Variants in PLCE1 observed in about 807,000 individuals in gnomAD.
PLCE1 encodes the protein 1-phosphatidylinositol 4,5-bisphosphate phosphodiesterase epsilon-1.
PLCE1 carries 119 observed loss-of-function variants against 242.8 expected under a neutral mutation model. That is an observed-to-expected ratio of 0.49 (90% CI 0.42 to 0.57). PLCE1 has a LOEUF of 0.57. Among genes scored for constraint, PLCE1 ranks in the 20% least tolerant of loss-of-function variants. PLCE1 has a pLI of 0.00. For synonymous variants in PLCE1, 945 were observed against 1,017.4 expected (o/e 0.93, Z 1.35); for missense variants, 2,441 against 2,788.8 (o/e 0.88, Z 2.81).
intron 2 of PLCE1, among the ~76,000 whole-genome samples, chr10:94,062,526 C>A (rs1331286961): frequency 6.6e-6 from 1 of 150,926 alleles, no homozygotes; most frequent in Non-Finnish European, 1.5e-5. Flanking sequence ...TAATTCACAC[C>A]ATGTCTGGTA....
intron 2 of PLCE1, among the ~76,000 whole-genome samples, chr10:94,086,900 C>T (rs2044847112): frequency 1.3e-5 from 2 of 152,116 alleles, no homozygotes; most frequent in African/African-American, 4.8e-5. Context: ...CTTACTGGGG[C>T]TATTATAAGG....
intron 2 of PLCE1, among the ~76,000 whole-genome samples, chr10:94,111,366 CAAA>C (rs1183819274): frequency 1.3e-5 from 2 of 152,112 alleles, no homozygotes; most frequent in Non-Finnish European, 2.9e-5. Context: ...GTTTTGGTCA[CAAA>C]AGGAGGTGGA....
intron 7 of PLCE1, among the ~76,000 whole-genome samples, chr10:94,243,932 T>C (rs1281363489): frequency 6.6e-6 from 1 of 152,218 alleles, no homozygotes; most frequent in African/African-American, 2.4e-5. Flanking sequence ...TGTTATTCCA[T>C]GTAGTTAGCT....
chr10:94,022,124 T>C (rs981848184), intron 1 of PLCE1, among the ~76,000 whole-genome samples: 2 of 151,992 alleles, frequency 1.3e-5, no homozygotes, highest in Non-Finnish European at 2.9e-5. Flanking sequence ...GAAGATGAGA[T>C]GATTGTCTAT....
At chr10:94,153,599 C>A (rs1399923226) in intron 3 of PLCE1, among the ~76,000 whole-genome samples, 1 of 152,112 alleles carries the variant, frequency 6.6e-6, no homozygotes, top group East Asian at 1.9e-4. Flanking sequence ...AGAAGTAAGA[C>A]TATTTCTATT....
chr10:94,130,285 A>G (rs562358757), intron 2 of PLCE1, among the ~76,000 whole-genome samples: 1 of 152,372 alleles, frequency 6.6e-6, no homozygotes, highest in East Asian at 1.9e-4. Flanking sequence ...GAGCAAGGGC[A>G]TAACTCCAAT....
At chr10:94,082,203 C>T (rs1319924503) in intron 2 of PLCE1, 6 of 152,026 alleles carry the variant, frequency 3.9e-5, no homozygotes, top group Admixed American at 6.6e-5. Flanking sequence ...TTACAAAGAT[C>T]GACCTAAAAC....
At chr10:94,255,878 T>TCACACACACACACA (rs1206355849) in intron 11 of PLCE1, among the ~76,000 whole-genome samples, 1 of 66,748 alleles carries the variant, frequency 1.5e-5, no homozygotes, top group Admixed American at 2.0e-4. Context: ...TTACTTTATC[T>TCACACACACACACA]CACACACACA....
chr10:94,216,451 G>T (rs2049530393), intron 4 of PLCE1, among the ~76,000 whole-genome samples: 1 of 152,180 alleles, frequency 6.6e-6, no homozygotes, highest in Non-Finnish European at 1.5e-5. Flanking sequence ...GGAATGATTT[G>T]CTGAACAAGT....
At chr10:94,290,700 T>G in intron 22 of PLCE1, among the ~76,000 whole-genome samples, 1 of 149,390 alleles carries the variant, frequency 6.7e-6, no homozygotes, top group Admixed American at 6.7e-5. Context: ...TAAAAAAAAG[T>G]ATATATATAT....
chr10:94,108,550 A>G (rs116148729), intron 2 of PLCE1: 1,806 of 152,378 alleles, frequency 0.012, 32 homozygotes, highest in African/African-American at 0.042. Flanking sequence ...GATAATGCAA[A>G]CAAAACACTT....
rs148193881 is a variant in PLCE1 at position 94,004,789 on chromosome 10, G to A, written c.-365+10531G>A. Among the ~76,000 whole-genome samples, 226 of 152,284 alleles carry A rather than the reference G, an allele frequency of 1.5e-3. 1 individual carries two copies. The highest frequency in any genetic ancestry group is 4.7e-3 in the African/African-American group (197 of 41,548). The stretch of plus-strand genomic sequence containing the variant: ...TATGCTGGCTGGTGGGGACAATGGT[G>A]AGCAAGGTCCCCACAGCAACTGCCC... On this transcript the variant is annotated intron_variant, in intron 1 of 32. Transcript: ENST00000371380.
At chr10:93,996,220 A>G (rs1055623336) in intron 1 of PLCE1, among the ~76,000 whole-genome samples, 1 of 152,194 alleles carries the variant, frequency 6.6e-6, no homozygotes, top group African/African-American at 2.4e-5. Context: ...TCTCTGCCGG[A>G]ACTACTTCTG....
intron 2 of PLCE1, among the ~76,000 whole-genome samples, chr10:94,131,489 A>G (rs978370853): frequency 1.3e-5 from 2 of 152,204 alleles, no homozygotes; most frequent in Non-Finnish European, 2.9e-5. Context: ...CTAACAGTGC[A>G]ATCTTCTTGA....
At chr10:94,125,062 A>C in intron 2 of PLCE1, among the ~76,000 whole-genome samples, 1 of 152,228 alleles carries the variant, frequency 6.6e-6, no homozygotes, top group Non-Finnish European at 1.5e-5. Context: ...ATTCTAGCCA[A>C]GTTTTTGGTG....
intron 4 of PLCE1, among the ~76,000 whole-genome samples, chr10:94,175,338 A>G (rs553979003): frequency 6.6e-6 from 1 of 151,772 alleles, no homozygotes; most frequent in Non-Finnish European, 1.5e-5. Flanking sequence ...ATTTTTATCC[A>G]GTTTCCCATT....
intron 2 of PLCE1, among the ~76,000 whole-genome samples, chr10:94,087,733 A>G (rs2044888077): frequency 6.6e-6 from 1 of 152,140 alleles, no homozygotes; most frequent in Admixed American, 6.5e-5. Flanking sequence ...ATGAGCCACC[A>G]TGCCTGTCCC....
intron 3 of PLCE1, among the ~76,000 whole-genome samples, chr10:94,156,610 C>T (rs549857340): frequency 2.6e-5 from 4 of 152,248 alleles, no homozygotes; most frequent in East Asian, 3.9e-4. Flanking sequence ...GCTCTGTGTA[C>T]GCCATAGTTG....
At chr10:94,004,400 G>C (rs1446938198) in intron 1 of PLCE1, among the ~76,000 whole-genome samples, 1 of 152,034 alleles carries the variant, frequency 6.6e-6, no homozygotes, top group African/African-American at 2.4e-5. Flanking sequence ...TTAGGTGAAA[G>C]CTTAAGGGGG....
Sources: gnomAD v4.1 joint callset for allele counts (sites outside exome capture counted in the v4.1 genomes callset) on GRCh38, gnomAD v4.1.1 for gene constraint, MANE v1.5 for transcripts, NCBI Gene and HGNC (gene_info 2026-07-23, HGNC 2026-07-21) for gene names.